The following FAM13A variants were observed in gnomAD, a reference collection of about 807,000 sequenced individuals.
FAM13A encodes the protein family with sequence similarity 13 member A.
In FAM13A, 76 loss-of-function variants were observed where a neutral mutation model predicts 129.6. The ratio of observed to expected loss-of-function variants is 0.59; its 90% CI spans 0.49 to 0.71. The LOEUF (loss-of-function observed/expected upper bound fraction) is 0.71. FAM13A is among the 30% of genes least tolerant of loss of function. FAM13A has a pLI of 0.00. For missense variants in FAM13A, 1,108 were observed against 1,249.3 expected (o/e 0.89, Z 1.70); for synonymous variants, 443 against 449.9 (o/e 0.98, Z 0.20).
intron 8 of FAM13A, among the ~76,000 whole-genome samples, chr4:88,801,771 T>C (rs989350353): frequency 6.6e-6 from 1 of 152,142 alleles, no homozygotes; most frequent in African/African-American, 2.4e-5. Context: ...AGAAGTCTGA[T>C]GAAATGGGAT....
intron 7 of FAM13A, among the ~76,000 whole-genome samples, chr4:88,815,998 A>G (rs1033201368): frequency 2.2e-4 from 33 of 150,734 alleles, no homozygotes; most frequent in African/African-American, 7.8e-4. Flanking sequence ...AAAAAAAAAA[A>G]GAAAGGTAAA....
intron 8 of FAM13A, among the ~76,000 whole-genome samples, chr4:88,793,422 G>C (rs1185418764): frequency 6.6e-6 from 1 of 151,920 alleles, no homozygotes; most frequent in African/African-American, 2.4e-5. Flanking sequence ...TTTATTTTAG[G>C]ACAGTTTTAG....
At chr4:89,022,797 C>G (rs1451053684) in intron 2 of FAM13A, among the ~76,000 whole-genome samples, 1 of 152,166 alleles carries the variant, frequency 6.6e-6, no homozygotes, top group Admixed American at 6.5e-5. Flanking sequence ...ACTTTATTAG[C>G]TACTGGCCAC....
intron 5 of FAM13A, among the ~76,000 whole-genome samples, chr4:88,922,093 A>T (rs1323593130): frequency 1.3e-5 from 2 of 151,812 alleles, no homozygotes; most frequent in East Asian, 3.9e-4. Flanking sequence ...CTCCCACATA[A>T]TAATAATGGG....
rs1164878327 is a variant in FAM13A, at chr4:88,725,983, C to G, written c.*2550G>C. ...AATTATAAGTCTGCACTCTTTAATT[C>G]TTAAGTTTACTTACACTTATGAAAT... On this transcript the variant is annotated 3_prime_UTR_variant, in exon 24 of 24. Coordinates refer to ENST00000264344, the MANE Select transcript of FAM13A (RefSeq NM_014883.4). 9.6e-6 allele frequency: 1 copy of G among 103,738 alleles called. No homozygotes were observed. Among genetic ancestry groups the G allele is most frequent in the Non-Finnish European group, 2.0e-5 (1 of 49,304 alleles). 6.4% of individuals were successfully genotyped at this position (103,738 alleles called of 1,614,324 possible).
intron 1 of FAM13A, among the ~76,000 whole-genome samples, chr4:89,054,832 C>T (rs189070406): frequency 1.4e-4 from 21 of 152,284 alleles, no homozygotes; most frequent in African/African-American, 4.3e-4. Flanking sequence ...TCATTCCACC[C>T]CTCACCTTTC....
At chr4:88,885,184 A>G (rs1230535349) in intron 6 of FAM13A, among the ~76,000 whole-genome samples, 1 of 152,214 alleles carries the variant, frequency 6.6e-6, no homozygotes, top group Non-Finnish European at 1.5e-5. Flanking sequence ...AAGGAACCAA[A>G]AAAGAGCCTG....
intron 7 of FAM13A, among the ~76,000 whole-genome samples, chr4:88,843,240 T>G (rs896853061): frequency 1.3e-5 from 2 of 152,200 alleles, no homozygotes; most frequent in African/African-American, 4.8e-5. Flanking sequence ...TGCAGGGGAA[T>G]TGCATGCTGA....
intron 5 of FAM13A, among the ~76,000 whole-genome samples, chr4:88,907,546 G>A (rs1415294594): frequency 6.6e-6 from 1 of 152,148 alleles, no homozygotes; most frequent in Non-Finnish European, 1.5e-5. Flanking sequence ...TATTAATAAA[G>A]ATTGAATCTT....
chr4:88,751,626 A>G (rs1005188846), intron 14 of FAM13A, among the ~76,000 whole-genome samples: 6 of 147,764 alleles, frequency 4.1e-5, no homozygotes, highest in Admixed American at 1.4e-4. Context: ...AAAAAAAAAA[A>G]CACGCTCAGC....
chr4:88,865,426 A>G (rs1579019119), intron 6 of FAM13A, among the ~76,000 whole-genome samples: 1 of 152,268 alleles, frequency 6.6e-6, no homozygotes, highest in East Asian at 1.9e-4. Context: ...TATACCTTAT[A>G]GCTAATACGT....
chr4:88,995,140 T>TGTATATTTGTTGCACAAATATACAAACA (rs879374324), intron 3 of FAM13A, among the ~76,000 whole-genome samples: 168 of 150,956 alleles, frequency 1.1e-3, no homozygotes, highest in East Asian at 3.1e-3. Context: ...GCACCCAAAA[T>TGTATATTTGTTGCACAAATATACAAACA]GTATATTTGT....
chr4:88,871,752 T>G (rs531016867), intron 6 of FAM13A, among the ~76,000 whole-genome samples: 20 of 152,194 alleles, frequency 1.3e-4, no homozygotes, highest in African/African-American at 4.8e-4. Flanking sequence ...ATTCCCCAAC[T>G]TAGCAAGGCA....
At position 88,758,774 on chromosome 4, in the gene FAM13A, C is replaced by T. The variant is rs551824602; in HGVS notation, c.1706G>A (p.Cys569Tyr). ...CCTACCTTCCCAGTTCTTTTCATCA[C>T]ACAATGCAGTCAGGTCCGACTGGGG... ...EVPQSDLTAL[C>Y]DEKNWEEPIP... The change falls in exon 14 of 24, where the codon TGT (cysteine) becomes TAT (tyrosine). Residue 569 changes from cysteine to tyrosine, a missense_variant. This residue lies in a region of FAM13A where 529 missense variants were observed against 621.2 expected (regional missense o/e 0.85). Transcript: ENST00000264344. The T allele has an allele frequency of 5.6e-6, 9 of 1,613,612 alleles. No homozygotes were observed. The highest frequency in any genetic ancestry group is 7.6e-6 in the Non-Finnish European group (9 of 1,179,758).
Position 88,909,590 on chromosome 4 carries a change from G to A in FAM13A, c.760-3128C>T, listed in dbSNP as rs546154183. The stretch of plus-strand genomic sequence containing the variant: ...CAACCTCCGCCTCCCAGGTTCAAGC[G>A]ATTCTCCTGTCTCAGCCTCTGGAGT... On this transcript the variant is annotated intron_variant, in intron 5 of 23. Coordinates refer to ENST00000264344, the MANE Select transcript of FAM13A (RefSeq NM_014883.4). 1.2e-4 allele frequency among the ~76,000 whole-genome samples: 18 copies of A among 152,054 alleles called. No individual in the cohort carries two copies. The South Asian group carries it at 2.7e-3, about 23-fold the overall frequency.
At chr4:88,963,232 T>C (rs1173851772) in intron 4 of FAM13A, among the ~76,000 whole-genome samples, 2 of 152,108 alleles carry the variant, frequency 1.3e-5, no homozygotes. Context: ...TTTAATAAGA[T>C]ATTCCCTTGC....
At chr4:88,759,000 A>G in intron 13 of FAM13A, 99 bp from the exon 14 acceptor site, 1 of 1,275,218 alleles carries the variant, frequency 7.8e-7, no homozygotes, top group Non-Finnish European at 1.1e-6. Flanking sequence ...CTTCCAAGTC[A>G]CAGCTGCTAA....
At chr4:88,822,345 C>T (rs1248218950) in intron 7 of FAM13A, among the ~76,000 whole-genome samples, 1 of 151,486 alleles carries the variant, frequency 6.6e-6, no homozygotes, top group Non-Finnish European at 1.5e-5. Context: ...ATAACTCCTT[C>T]GCCTCCCCCC....
At chr4:88,748,326 G>T (rs914745420) in intron 17 of FAM13A, among the ~76,000 whole-genome samples, 2 of 152,094 alleles carry the variant, frequency 1.3e-5, no homozygotes, top group African/African-American at 4.8e-5. Flanking sequence ...CTGAGAGAAT[G>T]GTAACATTTT....
Sources: allele counts gnomAD v4.1 joint callset (sites outside exome capture counted in the v4.1 genomes callset), GRCh38; gene constraint gnomAD v4.1.1; regional missense constraint gnomAD v4.1.1; transcripts MANE v1.5; gene names NCBI Gene and HGNC (gene_info 2026-07-23, HGNC 2026-07-21).